The following TUSC3 variants were observed in gnomAD, a reference collection of about 807,000 sequenced individuals.
TUSC3 encodes dolichyl-diphosphooligosaccharide--protein glycosyltransferase subunit TUSC3.
TUSC3 carries 45 observed loss-of-function variants against 44.8 expected under a neutral mutation model. The ratio of observed to expected loss-of-function variants is 1.00; its 90% CI spans 0.79 to 1.29. The LOEUF is 1.29. Among genes scored for constraint, TUSC3 ranks in the 50% most tolerant of loss-of-function variants. TUSC3 has a pLI of 0.00. For missense variants in TUSC3, 519 were observed against 437.9 expected, an observed-to-expected ratio of 1.19 and a Z score of -1.65; for synonymous variants, 212 against 152.9, an observed-to-expected ratio of 1.39 and a Z score of -2.85.
chr8:15,471,374 A>G (rs994171281), intron 1 of TUSC3, among the ~76,000 whole-genome samples: 1 of 152,164 alleles, frequency 6.6e-6, no homozygotes, highest in Non-Finnish European at 1.5e-5. Context: ...GTTTTGTTAT[A>G]CATCTTTTCA....
intron 2 of TUSC3, among the ~76,000 whole-genome samples, chr8:15,533,045 C>T (rs1317964242): frequency 6.6e-6 from 1 of 152,186 alleles, no homozygotes; most frequent in Non-Finnish European, 1.5e-5. Context: ...CCTGCCTTGG[C>T]CTCCCAGAGT....
intron 7 of TUSC3, among the ~76,000 whole-genome samples, chr8:15,741,906 A>G (rs1174182045): frequency 6.6e-6 from 1 of 152,214 alleles, no homozygotes; most frequent in Non-Finnish European, 1.5e-5. Flanking sequence ...AGTTTTAAGC[A>G]GTAGAAATCT....
chr8:15,831,968 A>G, the TUSC3 span, among the ~76,000 whole-genome samples: 1 of 152,178 alleles, frequency 6.6e-6, no homozygotes, highest in African/African-American at 2.4e-5. Context: ...TTCAAAGAAG[A>G]TTATGCCCAA....
At chr8:15,744,733 A>G (rs1563201752) in intron 8 of TUSC3, among the ~76,000 whole-genome samples, 2 of 152,080 alleles carry the variant, frequency 1.3e-5, no homozygotes, top group Admixed American at 1.3e-4. Flanking sequence ...GTTGAATTTT[A>G]TTTATTTATC....
intron 10 of TUSC3, among the ~76,000 whole-genome samples, chr8:15,763,299 C>T (rs1013452394): frequency 2.0e-5 from 3 of 151,574 alleles, no homozygotes; most frequent in East Asian, 1.9e-4. Flanking sequence ...TTCAGAAAGA[C>T]GAAACAATTT....
At chr8:15,516,861 T>C (rs990557749) in intron 2 of TUSC3, among the ~76,000 whole-genome samples, 2 of 152,220 alleles carry the variant, frequency 1.3e-5, no homozygotes, top group East Asian at 3.8e-4. Flanking sequence ...ATTTTTACAG[T>C]AGTATAAATA....
At chr8:15,704,396 T>C (rs764525166) in intron 6 of TUSC3, among the ~76,000 whole-genome samples, 1 of 152,046 alleles carries the variant, frequency 6.6e-6, no homozygotes, top group East Asian at 2.0e-4. Context: ...ACATGTGTTC[T>C]ATATAAGCCT....
intron 8 of TUSC3, among the ~76,000 whole-genome samples, chr8:15,746,764 A>G (rs1811434969): frequency 6.6e-6 from 1 of 152,096 alleles, no homozygotes; most frequent in Admixed American, 6.6e-5. Flanking sequence ...TGGAAGGAAA[A>G]GAAAAGAAAG....
the TUSC3 span, among the ~76,000 whole-genome samples, chr8:15,826,907 G>T: frequency 6.6e-6 from 1 of 152,152 alleles, no homozygotes; most frequent in Non-Finnish European, 1.5e-5. Context: ...TGGGAACAGG[G>T]ATAAAAATAG....
chr8:15,591,028 C>G (rs184226895), intron 1 of TUSC3, among the ~76,000 whole-genome samples: 6 of 152,080 alleles, frequency 3.9e-5, no homozygotes, highest in Admixed American at 3.9e-4. Flanking sequence ...CTTTGCCATG[C>G]TGAGTTCTTT....
the TUSC3 span, among the ~76,000 whole-genome samples, chr8:15,810,875 T>C: frequency 1.3e-5 from 2 of 152,016 alleles, no homozygotes; most frequent in African/African-American, 4.8e-5. Context: ...TACCAGTATA[T>C]ACACCTACAG....
chr8:15,505,999 G>A (rs901260063), intron 2 of TUSC3, among the ~76,000 whole-genome samples: 1 of 152,150 alleles, frequency 6.6e-6, no homozygotes, highest in African/African-American at 2.4e-5. Context: ...CTTGATCCCT[G>A]TTCACAGCAC....
intron 1 of TUSC3, among the ~76,000 whole-genome samples, chr8:15,604,291 G>A (rs1482235730): frequency 2.0e-5 from 3 of 151,548 alleles, no homozygotes; most frequent in African/African-American, 7.3e-5. Context: ...TGGAAAAGAG[G>A]GGGAAAGTAA....
chr8:15,673,643 C>T (rs960304658), intron 5 of TUSC3, 104 bp from the exon 6 acceptor site: 6 of 986,020 alleles, frequency 6.1e-6, no homozygotes, highest in African/African-American at 1.6e-5. Flanking sequence ...TGAGCTGATA[C>T]ATGATTTTTA....
chr8:15,551,326 T>C (rs1802054772), intron 1 of TUSC3, among the ~76,000 whole-genome samples: 1 of 151,794 alleles, frequency 6.6e-6, no homozygotes, highest in Admixed American at 6.6e-5. Flanking sequence ...GAATGATTTA[T>C]GGTAGTTTCT....
At chr8:15,806,446 CAT>C in the TUSC3 span, 2 of 805,638 alleles carry the variant, frequency 2.5e-6, no homozygotes, top group African/African-American at 3.4e-5. Flanking sequence ...AAATCACACA[CAT>C]GTTGTCTTGA....
intron 1 of TUSC3, among the ~76,000 whole-genome samples, chr8:15,542,909 A>G (rs936462945): frequency 1.3e-5 from 2 of 152,324 alleles, no homozygotes; most frequent in Middle Eastern, 3.4e-3. Flanking sequence ...TCAAGACTGT[A>G]CTTTCAGGGA....
intron 3 of TUSC3, among the ~76,000 whole-genome samples, chr8:15,659,097 T>A (rs1008408065): frequency 5.9e-5 from 9 of 152,166 alleles, no homozygotes; most frequent in Admixed American, 5.2e-4. Flanking sequence ...GCTTATTTTT[T>A]AAAAACAAAT....
the TUSC3 span, among the ~76,000 whole-genome samples, chr8:15,816,545 C>T: frequency 6.6e-6 from 1 of 152,168 alleles, no homozygotes; most frequent in African/African-American, 2.4e-5. Flanking sequence ...GGTGACTCTT[C>T]TATCCCTGGG....
Sources: gnomAD v4.1 joint callset for allele counts (sites outside exome capture counted in the v4.1 genomes callset) on GRCh38, gnomAD v4.1.1 for gene constraint, MANE v1.5 for transcripts, NCBI Gene and HGNC (gene_info 2026-07-23, HGNC 2026-07-21) for gene names.